The following PTK2B variants were observed in gnomAD, a reference collection of about 807,000 sequenced individuals.
The protein encoded by PTK2B is protein tyrosine kinase 2 beta.
A neutral mutation model predicts 142.9 loss-of-function variants in PTK2B; 71 were observed. That is an observed-to-expected ratio of 0.50 (90% CI 0.41 to 0.61). The LOEUF is 0.61. PTK2B is among the 20% of genes least tolerant of loss of function. The probability of loss-of-function intolerance (pLI) is 0.00; values close to 1 mark genes in which losing one functional copy is unlikely to be tolerated. For synonymous variants in PTK2B, 519 were observed against 503.4 expected, an observed-to-expected ratio of 1.03 and a Z score of -0.42; for missense variants, 1,105 against 1,320.4, an observed-to-expected ratio of 0.84 and a Z score of 2.53.
At chr8:27,439,244 AG>A (rs1810998736) in intron 19 of PTK2B, 64 bp from the exon 20 acceptor site, 3 of 1,560,956 alleles carry the variant, frequency 1.9e-6, no homozygotes, top group Non-Finnish European at 2.6e-6. Flanking sequence ...TTCAGAAAGT[AG>A]GATGTATTTC....
chr8:27,393,771 C>T (rs1807866271), intron 1 of PTK2B, among the ~76,000 whole-genome samples: 1 of 152,070 alleles, frequency 6.6e-6, no homozygotes, highest in African/African-American at 2.4e-5. Context: ...GCACCGCTTC[C>T]CCCACTATCA....
intron 2 of PTK2B, among the ~76,000 whole-genome samples, chr8:27,407,917 T>C (rs1358941122): frequency 1.3e-5 from 2 of 152,244 alleles, no homozygotes; most frequent in Non-Finnish European, 2.9e-5. Flanking sequence ...TCAGTTGTTC[T>C]GACCTTGAAG....
intron 2 of PTK2B, among the ~76,000 whole-genome samples, chr8:27,406,616 C>G (rs1169055744): frequency 2.0e-5 from 3 of 152,082 alleles, no homozygotes; most frequent in Non-Finnish European, 2.9e-5. Flanking sequence ...TGTGTAGGGG[C>G]CCTTTATAGT....
chr8:27,329,132 T>C (rs1803586408), intron 1 of PTK2B, among the ~76,000 whole-genome samples: 1 of 152,096 alleles, frequency 6.6e-6, no homozygotes, highest in Non-Finnish European at 1.5e-5. Flanking sequence ...GAGACGGGGT[T>C]TCGCCATGTT....
rs752027632 is a variant in PTK2B at position 27,377,700 on chromosome 8, TCA to T, written c.-37-19846_-37-19845del. On this transcript the variant is annotated intron_variant, in intron 1 of 30. Coordinates refer to ENST00000346049, the MANE Select transcript of PTK2B (RefSeq NM_173176.3). ...CTCTCTGTCACATGCACTGCCTGTG[TCA>T]CGGGAGGGTATTTTTACTGAAGGGC... 2.0e-5 allele frequency among the ~76,000 whole-genome samples: 3 copies of T among 152,296 alleles called. No homozygotes were observed. The East Asian group carries it at 5.8e-4, about 29-fold the overall frequency.
At chr8:27,324,916 G>A (rs1027899381), upstream of PTK2B, among the ~76,000 whole-genome samples, 5 of 152,224 alleles carry the variant, frequency 3.3e-5, no homozygotes, top group South Asian at 2.1e-4. Context: ...GAGGGGACCA[G>A]CCTCTGGGCG....
intron 1 of PTK2B, among the ~76,000 whole-genome samples, chr8:27,358,632 G>T (rs1381982018): frequency 6.6e-6 from 1 of 151,990 alleles, no homozygotes; most frequent in Non-Finnish European, 1.5e-5. Context: ...TCTTTTAACA[G>T]GCAATTTAAG....
intron 24 of PTK2B, among the ~76,000 whole-genome samples, chr8:27,450,425 A>T (rs1374412700): frequency 6.6e-5 from 10 of 152,230 alleles, no homozygotes; most frequent in African/African-American, 2.4e-4. Flanking sequence ...AAATGACAAC[A>T]ACCATCACAA....
At chr8:27,348,379 G>T (rs1023113117) in intron 1 of PTK2B, among the ~76,000 whole-genome samples, 2 of 152,074 alleles carry the variant, frequency 1.3e-5, no homozygotes, top group Non-Finnish European at 2.9e-5. Context: ...AAGACCCCTC[G>T]GTCAAAGTAA....
At position 27,397,583 on chromosome 8, in the gene PTK2B, G is replaced by C; in HGVS notation, c.-2G>C. On this transcript the variant is annotated 5_prime_UTR_variant, in exon 2 of 31. Transcript: ENST00000346049. ...TGCCGATCTTAGCTGCTGCCTGAGA[G>C]GATGTCTGGGGTGTCCGAGCCCCTG... 6.2e-7 allele frequency: 1 copy of C among 1,613,420 alleles called. No homozygotes were observed. The highest frequency in any genetic ancestry group is 8.5e-7 in the Non-Finnish European group (1 of 1,179,986).
At chr8:27,436,469 A>AG in intron 15 of PTK2B, 121 bp downstream of exon 15, 1 of 799,792 alleles carries the variant, frequency 1.3e-6, no homozygotes. Context: ...CTTGTCCCTA[A>AG]GGGCCTCTTG....
Position 27,454,524 on chromosome 8 carries a change from C to T in PTK2B, c.2734-7C>T, listed in dbSNP as rs1441932080. On this transcript the variant is annotated splice_region_variant and splice_polypyrimidine_tract_variant and intron_variant, in intron 29 of 30. Coordinates refer to ENST00000346049, the MANE Select transcript of PTK2B (RefSeq NM_173176.3). The stretch of plus-strand genomic sequence containing the variant: ...GTGGCGGCCATCCTGCCCCTTTCTC[C>T]CCCCAGAATGTGGGGCTGACCCTGC... 15 of 1,613,684 alleles carry T rather than the reference C, an allele frequency of 9.3e-6. No homozygotes were observed. The highest frequency in any genetic ancestry group is 1.3e-5 in the Non-Finnish European group (15 of 1,179,742).
At chr8:27,356,020 CAAA>C (rs771855049) in intron 1 of PTK2B, among the ~76,000 whole-genome samples, 1 of 106,364 alleles carries the variant, frequency 9.4e-6, no homozygotes, top group Non-Finnish European at 2.0e-5. Flanking sequence ...AAGACTGTCT[CAAA>C]AAAAAAAAAA....
At chr8:27,391,783 G>T (rs1356055932) in intron 1 of PTK2B, among the ~76,000 whole-genome samples, 2 of 152,206 alleles carry the variant, frequency 1.3e-5, no homozygotes, top group African/African-American at 4.8e-5. Context: ...GCAGATTTTG[G>T]CCAAGAAGTT....
chr8:27,351,795 T>G (rs1229845443), intron 1 of PTK2B, among the ~76,000 whole-genome samples: 2 of 152,184 alleles, frequency 1.3e-5, no homozygotes, highest in East Asian at 3.9e-4. Flanking sequence ...AAAAGACACC[T>G]GGTTATGTAG....
At chr8:27,396,606 G>A (rs1808065512) in intron 1 of PTK2B, among the ~76,000 whole-genome samples, 1 of 152,236 alleles carries the variant, frequency 6.6e-6, no homozygotes, top group Non-Finnish European at 1.5e-5. Context: ...TAGTGATTAT[G>A]TGGAGCTAAG....
At chr8:27,349,648 A>G (rs1340142050) in intron 1 of PTK2B, among the ~76,000 whole-genome samples, 1 of 152,262 alleles carries the variant, frequency 6.6e-6, no homozygotes. Context: ...TGTCTCATGC[A>G]AAGAGCTGCT....
At chr8:27,358,207 T>C (rs1184955499) in intron 1 of PTK2B, among the ~76,000 whole-genome samples, 1 of 152,234 alleles carries the variant, frequency 6.6e-6, no homozygotes, top group Non-Finnish European at 1.5e-5. Flanking sequence ...TGGATATAGC[T>C]CTGCACTGTA....
At chr8:27,313,405 G>A (rs1358425312) in intron 3 of PTK2B, 1 of 152,294 alleles carries the variant, frequency 6.6e-6, no homozygotes, top group African/African-American at 2.4e-5. Context: ...ACTGAGGCAA[G>A]TTTCAGAGCA....
Sources: allele counts gnomAD v4.1 joint callset (sites outside exome capture counted in the v4.1 genomes callset), GRCh38; gene constraint gnomAD v4.1.1; transcripts MANE v1.5; gene names NCBI Gene and HGNC (gene_info 2026-07-23, HGNC 2026-07-21).